Variants in POMZP3 observed in about 807,000 individuals in gnomAD.
POMZP3 encodes POM121 and ZP3 fusion protein.
A neutral mutation model predicts 19.8 loss-of-function variants in POMZP3; 10 were observed. The observed-to-expected ratio is 0.51, with a 90% confidence interval of 0.31 to 0.86. POMZP3 has a LOEUF of 0.86. Among genes scored for constraint, POMZP3 ranks in the 40% least tolerant of loss-of-function variants. The pLI is 0.04. For synonymous variants in POMZP3, 57 were observed against 85.8 expected (o/e 0.66, Z 1.85); for missense variants, 152 against 228.1 (o/e 0.67, Z 2.15).
intron 3 of POMZP3, among the ~76,000 whole-genome samples, chr7:76,624,183 G>C (rs542738641): frequency 7.5e-6 from 1 of 133,288 alleles, no homozygotes; most frequent in Non-Finnish European, 1.6e-5. Flanking sequence ...AAGTGTAGAA[G>C]TTGTGGAAGA....
At chr7:76,619,589 C>CTT (rs374900039) in intron 3 of POMZP3, among the ~76,000 whole-genome samples, 4 of 138,790 alleles carry the variant, frequency 2.9e-5, no homozygotes, top group African/African-American at 1.1e-4. Context: ...GAGATGGTGT[C>CTT]TTTTTTTTTT....
At chr7:76,617,599 G>A (rs1211844845) in intron 4 of POMZP3, among the ~76,000 whole-genome samples, 1 of 90,330 alleles carries the variant, frequency 1.1e-5, no homozygotes, top group East Asian at 2.6e-4. Context: ...CCTAACCTAT[G>A]ACCAAGTTCA....
chr7:76,611,031 C>T (rs1205099722), intron 6 of POMZP3, among the ~76,000 whole-genome samples: 2 of 139,670 alleles, frequency 1.4e-5, no homozygotes, highest in Non-Finnish European at 3.1e-5. Flanking sequence ...TGTACCACCA[C>T]GCCCAGCTAA....
intron 3 of POMZP3, among the ~76,000 whole-genome samples, chr7:76,622,390 T>G: frequency 8.1e-6 from 1 of 122,828 alleles, no homozygotes; most frequent in Non-Finnish European, 1.8e-5. Context: ...TTTTTTTTTT[T>G]TTTTTTGAGA....
At chr7:76,619,840 A>C (rs1307112693) in intron 3 of POMZP3, among the ~76,000 whole-genome samples, 35 of 105,334 alleles carry the variant, frequency 3.3e-4, no homozygotes, top group African/African-American at 1.2e-3. Context: ...GTGACAAGAC[A>C]AGACCCCATC....
intron 6 of POMZP3, among the ~76,000 whole-genome samples, chr7:76,610,588 G>T (rs1815043796): frequency 6.6e-6 from 1 of 151,966 alleles, no homozygotes; most frequent in Non-Finnish European, 1.5e-5. Context: ...GGAGGCAGAG[G>T]TTTCAGTGAG....
rs1815921744 is a variant in POMZP3 at position 76,626,745 on chromosome 7, T to TG, written c.-190dup. The TG allele has an allele frequency of 7.3e-7, 1 of 1,369,420 alleles. No homozygotes were observed. The highest frequency in any genetic ancestry group is 1.7e-5 in the African/African-American group (1 of 59,994). 84.8% of individuals were successfully genotyped at this position (1,369,420 alleles called of 1,614,324 possible). ...CTCCCGGAGGGTCGGAGAAGAGGAG[T>TG]GGGGAGAGAGGGGTAAAAGTGGTGA... On this transcript the variant is annotated 5_prime_UTR_variant, in exon 1 of 7. It removes the in-frame stop codon of an upstream open reading frame in the 5' UTR. Coordinates refer to ENST00000310842, the MANE Select transcript of POMZP3 (RefSeq NM_012230.5).
chr7:76,625,385 T>C (rs192301301), intron 3 of POMZP3, 137 bp downstream of exon 3: 234 of 1,422,148 alleles, frequency 1.6e-4, no homozygotes, highest in African/African-American at 1.6e-3. Context: ...ATTAGGTTCT[T>C]TCATGAAAGC....
Position 76,620,313 on chromosome 7 carries a change from G to A in POMZP3, c.228-2013C>T, listed in dbSNP as rs1247285986. Among the ~76,000 whole-genome samples the A allele has an allele frequency of 3.1e-5, 2 of 65,570 alleles. 1 individual carries two copies. Among genetic ancestry groups the A allele is most frequent in the Non-Finnish European group, 5.7e-5 (2 of 35,232 alleles). The allele number at this position is 65,570 out of a possible 152,430, so 43.0% of individuals were successfully genotyped here. Reference sequence around the variant, plus strand: ...ACTGCACTCCAGCCTGGGCAACAGAGTGAGACTGTCTCAAATAAAAAAAAA... The same window carrying A: ...ACTGCACTCCAGCCTGGGCAACAGAATGAGACTGTCTCAAATAAAAAAAAA... On this transcript the variant is annotated intron_variant, in intron 3 of 6. Coordinates refer to ENST00000310842, the MANE Select transcript of POMZP3 (RefSeq NM_012230.5).
chr7:76,621,165 G>A (rs1815538805), intron 3 of POMZP3: 1 of 150,352 alleles, frequency 6.7e-6, no homozygotes, highest in Non-Finnish European at 1.5e-5. Context: ...GCCAGGTGAT[G>A]TCCATTCATC....
Position 76,626,796 on chromosome 7 carries a change from G to A in POMZP3, c.-240C>T. On this transcript the variant is annotated 5_prime_UTR_variant, in exon 1 of 7. Coordinates refer to ENST00000310842, the MANE Select transcript of POMZP3 (RefSeq NM_012230.5). ...ACGCGATGGGTCGGCGGGGAGGGCG[G>A]TGTGGAGCGCGGCGCCGGGCGGGCG... 1 of 1,395,000 alleles carries A rather than the reference G, an allele frequency of 7.2e-7. No homozygotes were observed. The highest frequency in any genetic ancestry group is 9.2e-7 in the Non-Finnish European group (1 of 1,086,640). The allele number at this position is 1,395,000 out of a possible 1,614,324, so 86.4% of individuals were successfully genotyped here. A position where few individuals can be genotyped will look rare whatever the true frequency, so the allele number is the denominator to read the frequency against.
chr7:76,614,858 C>CAAA (rs59620004), intron 4 of POMZP3, among the ~76,000 whole-genome samples: 1 of 32,040 alleles, frequency 3.1e-5, no homozygotes, highest in East Asian at 8.8e-4. Context: ...AGACTCTGTC[C>CAAA]AAAAAAAAAA....
chr7:76,616,355 A>G (rs1815289394), intron 4 of POMZP3, among the ~76,000 whole-genome samples: 2 of 104,910 alleles, frequency 1.9e-5, no homozygotes, highest in African/African-American at 7.7e-5. Flanking sequence ...TTTTACAGCA[A>G]ACACCTATGA....
Position 76,626,095 on chromosome 7 carries a change from C to T in POMZP3, c.-31G>A, listed in dbSNP as rs1308861786. On this transcript the variant is annotated 5_prime_UTR_variant, in exon 2 of 7. Coordinates refer to ENST00000310842, the MANE Select transcript of POMZP3 (RefSeq NM_012230.5). ...AGTTGCGAGGGGACAGCACAGCCTT[C>T]TTGTGATAACCATTCCAGCACACTG... The T allele has an allele frequency of 4.3e-6, 7 of 1,613,684 alleles. No individual in the cohort carries two copies. The highest frequency in any genetic ancestry group is 1.1e-5 in the South Asian group (1 of 91,068).
chr7:76,619,985 T>C, intron 3 of POMZP3, among the ~76,000 whole-genome samples: 1 of 89,418 alleles, frequency 1.1e-5, no homozygotes, highest in Non-Finnish European at 2.2e-5. Context: ...CACCACTGCA[T>C]TCCAGCCTGG....
At chr7:76,611,923 G>A in intron 4 of POMZP3, 110 bp from the exon 5 acceptor site, 1 of 1,539,424 alleles carries the variant, frequency 6.5e-7, no homozygotes, top group East Asian at 2.3e-5. Flanking sequence ...AAGGGGCCGG[G>A]TGCGATGGCA....
At chr7:76,623,885 G>C (rs1253694321) in intron 3 of POMZP3, among the ~76,000 whole-genome samples, 5 of 150,906 alleles carry the variant, frequency 3.3e-5, no homozygotes, top group African/African-American at 1.2e-4. Flanking sequence ...TAAGTTTTTT[G>C]TTAAATAAGA....
In POMZP3 at chr7:76,626,983, T is replaced by C; in HGVS notation, c.-427A>G. On this transcript the variant is annotated 5_prime_UTR_variant, in exon 1 of 7. Coordinates refer to ENST00000310842, the MANE Select transcript of POMZP3 (RefSeq NM_012230.5). Reference sequence around the variant, plus strand: ...TAGGAGGTTTCCGTTGGCTGTCGACTTGGCCGGAGGCGAAGCGAACAGTGT... The same window carrying C: ...TAGGAGGTTTCCGTTGGCTGTCGACCTGGCCGGAGGCGAAGCGAACAGTGT... 1 of 1,385,242 alleles carries C rather than the reference T, an allele frequency of 7.2e-7. No individual in the cohort carries two copies. Among genetic ancestry groups the C allele is most frequent in the Non-Finnish European group, 9.5e-7 (1 of 1,057,892 alleles). 85.8% of individuals were successfully genotyped at this position (1,385,242 alleles called of 1,614,324 possible). A position where few individuals can be genotyped will look rare whatever the true frequency, so the allele number is the denominator to read the frequency against.
At chr7:76,619,380 T>G (rs976918787) in intron 3 of POMZP3, among the ~76,000 whole-genome samples, 3 of 133,192 alleles carry the variant, frequency 2.3e-5, no homozygotes, top group Non-Finnish European at 4.8e-5. Context: ...AGAGTGAGAC[T>G]CTGTCTTTAA....
Sources: gnomAD v4.1 joint callset for allele counts (sites outside exome capture counted in the v4.1 genomes callset) on GRCh38, gnomAD v4.1.1 for gene constraint, MANE v1.5 for transcripts, NCBI Gene and HGNC (gene_info 2026-07-23, HGNC 2026-07-21) for gene names.